Variants in HS6ST1 observed in about 807,000 individuals in gnomAD.
The protein encoded by HS6ST1 is heparan sulfate 6-O-sulfotransferase 1, also known as heparan-sulfate 6-O-sulfotransferase 1.
In HS6ST1, 3 loss-of-function variants were observed where a neutral mutation model predicts 25.2. That is an observed-to-expected ratio of 0.12 (90% CI 0.05 to 0.31). HS6ST1 has a LOEUF of 0.31. HS6ST1 is among the 10% of genes least tolerant of loss of function. HS6ST1 has a pLI of 1.00. For missense variants in HS6ST1, 310 were observed against 609.6 expected, an observed-to-expected ratio of 0.51 and a Z score of 5.18; for synonymous variants, 204 against 275.1, an observed-to-expected ratio of 0.74 and a Z score of 2.56.
At chr2:128,302,574 T>C (rs971309238) in intron 1 of HS6ST1, among the ~76,000 whole-genome samples, 4 of 152,070 alleles carry the variant, frequency 2.6e-5, no homozygotes, top group Non-Finnish European at 5.9e-5. Context: ...GGTGACTGAG[T>C]GGCTCCTTGA....
In HS6ST1 at chr2:128,296,812, T is replaced by C. The variant is rs181470447; in HGVS notation, c.527+21225A>G. ...CTACTCATGTAATCTACAGATTTAA[T>C]GAAATCCCTATCACAACCCCAACAG... On this transcript the variant is annotated intron_variant, in intron 1 of 1. Transcript: ENST00000259241. 5.9e-5 allele frequency among the ~76,000 whole-genome samples: 9 copies of C among 152,368 alleles called. No individual in the cohort carries two copies. The East Asian group carries it at 1.7e-3, about 29-fold the overall frequency.
chr2:128,317,451 C>T (rs1034043858), intron 1 of HS6ST1, among the ~76,000 whole-genome samples: 1 of 152,230 alleles, frequency 6.6e-6, no homozygotes, highest in Admixed American at 6.5e-5. Context: ...ACTGCCTCCT[C>T]CCCGCCCCCA....
intron 1 of HS6ST1, among the ~76,000 whole-genome samples, chr2:128,270,592 G>A (rs1693595510): frequency 6.6e-6 from 1 of 152,214 alleles, no homozygotes; most frequent in Non-Finnish European, 1.5e-5. Context: ...GGCGGCCGGG[G>A]CAGGCTTCTG....
At position 128,266,458 on chromosome 2, in the gene HS6ST1, A is replaced by G. The variant is rs2290114; in HGVS notation, c.*1704T>C. On this transcript the variant is annotated 3_prime_UTR_variant, in exon 2 of 2. Coordinates refer to ENST00000259241, the MANE Select transcript of HS6ST1 (RefSeq NM_004807.3). Reference sequence around the variant, plus strand: ...GTTGACCATCCTGTCCTTGGACCCCAAAGTAAAATGGGGCCAGTGTAGGAG... The same window carrying G: ...GTTGACCATCCTGTCCTTGGACCCCGAAGTAAAATGGGGCCAGTGTAGGAG... 0.28 allele frequency: 41,842 copies of G among 152,112 alleles called. 6,020 individuals carry two copies. Among genetic ancestry groups the G allele is most frequent in the African/African-American group, 0.34 (14,133 of 41,468 alleles). 9.4% of individuals were successfully genotyped at this position (152,112 alleles called of 1,614,324 possible).
intron 1 of HS6ST1, among the ~76,000 whole-genome samples, chr2:128,280,073 C>T (rs1476808668): frequency 2.0e-5 from 3 of 152,212 alleles, no homozygotes; most frequent in Admixed American, 6.5e-5. Flanking sequence ...TGGGAGCTCA[C>T]GGCATAACAC....
intron 1 of HS6ST1, among the ~76,000 whole-genome samples, chr2:128,276,235 C>T (rs955900344): frequency 2.6e-4 from 39 of 152,320 alleles, no homozygotes; most frequent in African/African-American, 8.9e-4. Flanking sequence ...TCAATCAATT[C>T]TCCCGCCTCA....
At chr2:128,288,259 C>G (rs918986448) in intron 1 of HS6ST1, among the ~76,000 whole-genome samples, 3 of 152,182 alleles carry the variant, frequency 2.0e-5, no homozygotes, top group Non-Finnish European at 4.4e-5. Flanking sequence ...CTGCTTGGGC[C>G]CACCAAGAGA....
intron 1 of HS6ST1, among the ~76,000 whole-genome samples, chr2:128,270,770 T>C (rs1253429003): frequency 1.3e-5 from 2 of 152,164 alleles, no homozygotes; most frequent in Non-Finnish European, 2.9e-5. Flanking sequence ...GCAGGTTTCT[T>C]CTGAACACAA....
chr2:128,292,286 C>T (rs1693965626), intron 1 of HS6ST1, among the ~76,000 whole-genome samples: 1 of 152,224 alleles, frequency 6.6e-6, no homozygotes, highest in African/African-American at 2.4e-5. Flanking sequence ...TCCATAGGGC[C>T]CACGCCTGGC....
At chr2:128,310,548 T>C (rs1411296635) in intron 1 of HS6ST1, among the ~76,000 whole-genome samples, 1 of 152,082 alleles carries the variant, frequency 6.6e-6, no homozygotes, top group Non-Finnish European at 1.5e-5. Context: ...GGGGGAGAGC[T>C]GTCCTGGATG....
intron 1 of HS6ST1, among the ~76,000 whole-genome samples, chr2:128,316,363 G>A (rs1273775557): frequency 6.6e-6 from 1 of 152,258 alleles, no homozygotes; most frequent in Non-Finnish European, 1.5e-5. Flanking sequence ...CTCTGGCAAA[G>A]GGGGTGACCC....
At chr2:128,286,828 C>T (rs1048358530) in intron 1 of HS6ST1, among the ~76,000 whole-genome samples, 8 of 152,344 alleles carry the variant, frequency 5.3e-5, no homozygotes, top group African/African-American at 7.2e-5. Flanking sequence ...CTGCTGGCCA[C>T]GATACGCCTT....
chr2:128,284,314 G>A (rs920626440), intron 1 of HS6ST1, among the ~76,000 whole-genome samples: 3 of 152,068 alleles, frequency 2.0e-5, no homozygotes, highest in Admixed American at 6.5e-5. Flanking sequence ...CCCCACCCTA[G>A]GGGCCTTCTC....
intron 1 of HS6ST1, among the ~76,000 whole-genome samples, chr2:128,315,598 T>A (rs992191799): frequency 2.0e-5 from 3 of 152,112 alleles, no homozygotes; most frequent in African/African-American, 7.2e-5. Context: ...CAAGCCCACT[T>A]AACATGAGGC....
intron 1 of HS6ST1, among the ~76,000 whole-genome samples, chr2:128,313,042 C>T (rs1218042687): frequency 6.6e-6 from 1 of 151,898 alleles, no homozygotes; most frequent in South Asian, 2.1e-4. Flanking sequence ...CAGACTGCAC[C>T]GGACAGAGTG....
intron 1 of HS6ST1, among the ~76,000 whole-genome samples, chr2:128,295,658 AATG>A (rs1558876328): frequency 6.6e-6 from 1 of 152,232 alleles, no homozygotes; most frequent in Non-Finnish European, 1.5e-5. Context: ...AGCATATAAA[AATG>A]ATTATGTATC....
In HS6ST1 at chr2:128,267,389, T is replaced by A. The variant is rs1693535487; in HGVS notation, c.*773A>T. 1 of 152,626 alleles carries A rather than the reference T, an allele frequency of 6.6e-6. No individual in the cohort carries two copies. The highest frequency in any genetic ancestry group is 6.5e-5 in the Admixed American group (1 of 15,296). 9.5% of individuals were successfully genotyped at this position (152,626 alleles called of 1,614,324 possible). A position where few individuals can be genotyped will look rare whatever the true frequency, so the allele number is the denominator to read the frequency against. On this transcript the variant is annotated 3_prime_UTR_variant, in exon 2 of 2. Coordinates refer to ENST00000259241, the MANE Select transcript of HS6ST1 (RefSeq NM_004807.3). ...GCATCCCTGGCCAAAGCCTCCCCAC[T>A]CCTGGGCTGCCAGTTGGCCCGAGGA...
Position 128,304,770 on chromosome 2 carries a change from G to A in HS6ST1, c.527+13267C>T, listed in dbSNP as rs555007732. On this transcript the variant is annotated intron_variant, in intron 1 of 1. Transcript: ENST00000259241. ...CTCACAGCAGTGTCGCACAGCAGTG[G>A]CAGCCCTCACTGGGTCAGTGAGAGG... Among the ~76,000 whole-genome samples the A allele has an allele frequency of 2.0e-4, 31 of 152,328 alleles. 1 individual carries two copies. The highest frequency in any genetic ancestry group is 2.0e-3 in the Admixed American group (31 of 15,302).
chr2:128,292,127 G>T (rs1194266539), intron 1 of HS6ST1, among the ~76,000 whole-genome samples: 1 of 152,204 alleles, frequency 6.6e-6, no homozygotes, highest in Non-Finnish European at 1.5e-5. Flanking sequence ...CGGGGGGGCT[G>T]GGCCCAGCAA....
Sources: allele counts gnomAD v4.1 joint callset (sites outside exome capture counted in the v4.1 genomes callset), GRCh38; gene constraint gnomAD v4.1.1; transcripts MANE v1.5; gene names NCBI Gene and HGNC (gene_info 2026-07-23, HGNC 2026-07-21).